The following KRI1 variants were observed in gnomAD, a reference collection of about 807,000 sequenced individuals.
KRI1 encodes KRI1 homolog, also known as protein KRI1 homolog.
KRI1 carries 83 observed loss-of-function variants against 97.0 expected under a neutral mutation model. That is an observed-to-expected ratio of 0.86 (90% CI 0.72 to 1.03). The LOEUF is 1.03. Among genes scored for constraint, KRI1 ranks in the 50% least tolerant of loss-of-function variants. The pLI is 0.00. For missense variants in KRI1, 916 were observed against 928.4 expected (o/e 0.99, Z 0.17); for synonymous variants, 371 against 363.5 (o/e 1.02, Z -0.23).
intron 16 of KRI1, among the ~76,000 whole-genome samples, chr19:10,556,834 A>G (rs1370992983): frequency 1.4e-5 from 2 of 147,218 alleles, no homozygotes; most frequent in African/African-American, 5.0e-5. Flanking sequence ...TGTACAAAAA[A>G]TATTTTTAAT....
Position 10,555,310 on chromosome 19 carries a change from A to T in KRI1, c.1657T>A (p.Ser553Thr), listed in dbSNP as rs375415935. The T allele has an allele frequency of 1.2e-5, 20 of 1,611,508 alleles. 1 individual carries two copies. Among genetic ancestry groups the T allele is most frequent in the Non-Finnish European group, 1.6e-5 (19 of 1,179,244 alleles). The change falls in exon 17 of 19, where the codon TCC becomes ACC. Residue 553 changes from serine (S) to threonine (T), a missense_variant. Ser to Thr is a moderately conservative substitution (Grantham distance 58). Transcript: ENST00000312962. ...CTGTACATGCAGGTCTTCTTTAGGG[A>T]GCACCACCGGTTCAGCTCCTTATCG... The part of the protein sequence containing the change: ...ADDKELNRWC[S>T]LKKTCMYRSE...
At position 10,561,218 on chromosome 19, in the gene KRI1, T is replaced by G. The variant is rs11545166; in HGVS notation, c.536A>C (p.Glu179Ala). 0.03 allele frequency: 48,455 copies of G among 1,614,006 alleles called. 829 individuals carry two copies. Among genetic ancestry groups the G allele is most frequent in the Non-Finnish European group, 0.034 (39,638 of 1,180,002 alleles). ...TTTCTGCAGCAAACTGGAGCCGCCC[T>G]CCCCAGCGCCGTCCTCGTCCTCACT... ...EDSEDEDGAGEGGSSLLQKRA... is the reference protein window; with the variant it reads ...EDSEDEDGAGAGGSSLLQKRA... The change falls in exon 7 of 19, where the codon GAG (glutamate) becomes GCG (alanine). Residue 179 changes from glutamate to alanine, a missense_variant. Coordinates refer to ENST00000312962, the MANE Select transcript of KRI1 (RefSeq NM_023008.5).
chr19:10,558,302 G>A (rs55948878), intron 12 of KRI1, 63 bp from the exon 13 acceptor site: 20 of 1,517,826 alleles, frequency 1.3e-5, no homozygotes, highest in Middle Eastern at 1.7e-4. Context: ...AGCCCCCTAC[G>A]ATGCCGCCAA....
rs776247947 is a variant in KRI1, at chr19:10,560,446, C to A, written c.666G>T (p.Thr222=). The part of the protein sequence containing the change: ...IRNPDSLKEL[T]HLKEYWNDPE... ...GGTCGTTCCAGTATTCCTTGAGATGCGTCTGGGGGTGACAGGAGACAGGAC... is the reference window on the plus strand; with the variant it reads ...GGTCGTTCCAGTATTCCTTGAGATGAGTCTGGGGGTGACAGGAGACAGGAC... Residue 222 remains threonine, a splice_region_variant and synonymous_variant, in exon 9 of 19, where the codon ACG becomes ACT. Transcript: ENST00000312962. 1.2e-6 allele frequency: 2 copies of A among 1,605,846 alleles called. No homozygotes were observed. The highest frequency in any genetic ancestry group is 2.2e-5 in the East Asian group (1 of 44,648).
Position 10,561,943 on chromosome 19 carries a change from G to C in KRI1, c.384-98C>G, listed in dbSNP as rs139417368. On this transcript the variant is annotated intron_variant, in intron 4 of 18. Coordinates refer to ENST00000312962, the MANE Select transcript of KRI1 (RefSeq NM_023008.5). ...CTATTCCAAGCAACAGCTGGCGGGG[G>C]TCATCGGAGGGCTATGGAATCACTG... 1.6e-3 allele frequency: 1,675 copies of C among 1,042,654 alleles called. 31 individuals carry two copies. The East Asian group carries it at 0.035, about 22-fold the overall frequency. 64.6% of individuals were successfully genotyped at this position (1,042,654 alleles called of 1,614,324 possible). A position where few individuals can be genotyped will look rare whatever the true frequency, so the allele number is the denominator to read the frequency against.
intron 8 of KRI1, 49 bp downstream of exon 8, chr19:10,560,954 A>T: frequency 1.4e-6 from 2 of 1,396,888 alleles, no homozygotes; most frequent in Non-Finnish European, 2.0e-6. Flanking sequence ...GGTTGGATGG[A>T]CGCGGAACAC....
Position 10,560,465 on chromosome 19 carries a change from A to G in KRI1, c.664-17T>C. ...GAGATGCGTCTGGGGGTGACAGGAG[A>G]CAGGACTCTGGTCAATGGAGGACAG... On this transcript the variant is annotated splice_polypyrimidine_tract_variant and intron_variant, in intron 8 of 18. Transcript: ENST00000312962. 6.3e-7 allele frequency: 1 copy of G among 1,585,930 alleles called. No individual in the cohort carries two copies. Among genetic ancestry groups the G allele is most frequent in the Middle Eastern group, 1.7e-4 (1 of 5,888 alleles).
chr19:10,556,598 C>T (rs963385379), intron 16 of KRI1, among the ~76,000 whole-genome samples: 2 of 151,336 alleles, frequency 1.3e-5, no homozygotes, highest in Non-Finnish European at 2.9e-5. Context: ...ACCTGGGAGG[C>T]GGAGTTTGCA....
In KRI1 at chr19:10,564,947, T is replaced by C. The variant is rs754062406; in HGVS notation, c.256A>G (p.Thr86Ala). 2 of 1,611,390 alleles carry C rather than the reference T, an allele frequency of 1.2e-6. No individual in the cohort carries two copies. The highest frequency in any genetic ancestry group is 2.2e-5 in the South Asian group (2 of 91,032). ...KDPRIYQKDA[T>A]FYNRTASSSD... is the part of the protein sequence containing the mutation. ...CCCGGACCTGTTCTGTTATAGAAGG[T>C]GGCATCTTTCTGATAAATGCGGGGG... Residue 86 changes from threonine (T) to alanine (A), a missense_variant, in exon 3 of 19, where the codon ACC becomes GCC. Around this residue, in one of 3 missense-constraint regions of KRI1, gnomAD observed 173 missense variants for 153.1 expected, o/e 1.13. Transcript: ENST00000312962.
intron 16 of KRI1, among the ~76,000 whole-genome samples, chr19:10,555,910 T>A (rs1388097489): frequency 6.6e-6 from 1 of 152,220 alleles, no homozygotes; most frequent in Non-Finnish European, 1.5e-5. Context: ...TTTGGTCTCA[T>A]TTCTGTTCCT....
intron 8 of KRI1, among the ~76,000 whole-genome samples, chr19:10,560,716 C>T (rs1364886677): frequency 6.6e-6 from 1 of 152,192 alleles, no homozygotes; most frequent in Non-Finnish European, 1.5e-5. Context: ...CAGGTGCATG[C>T]CACCATGCCT....
intron 10 of KRI1, 32 bp from the exon 11 acceptor site, chr19:10,559,740 G>T (rs367956318): frequency 5.0e-6 from 8 of 1,613,956 alleles, no homozygotes. Flanking sequence ...CACAAGGGCC[G>T]CAGAGATGAT....
chr19:10,557,496 C>T (rs1916537104), intron 16 of KRI1, 56 bp downstream of exon 16: 11 of 1,568,634 alleles, frequency 7.0e-6, no homozygotes, highest in Non-Finnish European at 9.6e-6. Context: ...CAGCTTTCTA[C>T]CCCTTCGGCA....
Position 10,558,234 on chromosome 19 carries a change from G to T in KRI1, c.1200C>A (p.Cys400Ter). The stretch of plus-strand genomic sequence containing the variant: ...CGGCCCCGTAGTACTCGTCCCCAAA[G>T]CACTTCTGCAGGGTCAGGGCTGGCG... ...PAQHDQLMQK[C>*]FGDEYYGAVE... The change falls in exon 13 of 19, where the codon TGC becomes TGA. Residue 400 changes from cysteine (C) to a stop codon, truncating the protein, a stop_gained. Transcript: ENST00000312962. LOFTEE classifies it high-confidence loss of function. 6.2e-7 allele frequency: 1 copy of T among 1,614,008 alleles called. No individual in the cohort carries two copies. The highest frequency in any genetic ancestry group is 8.5e-7 in the Non-Finnish European group (1 of 1,179,974).
Position 10,560,294 on chromosome 19 carries a change from G to A in KRI1, c.800+18C>T. ...AGCGCACCCAAAATCTAGGTCCTGGGGAGATGCAGTGGCTCACCCCTCCTC... is the reference window on the plus strand; with the variant it reads ...AGCGCACCCAAAATCTAGGTCCTGGAGAGATGCAGTGGCTCACCCCTCCTC... On this transcript the variant is annotated intron_variant, in intron 9 of 18. Transcript: ENST00000312962. 1 of 1,592,532 alleles carries A rather than the reference G, an allele frequency of 6.3e-7. No homozygotes were observed. Among genetic ancestry groups the A allele is most frequent in the Non-Finnish European group, 8.5e-7 (1 of 1,170,028 alleles).
In KRI1 at chr19:10,560,989, G is replaced by A. The variant is rs769181759; in HGVS notation, c.663+14C>T. 2 of 1,603,990 alleles carry A rather than the reference G, an allele frequency of 1.2e-6. No individual in the cohort carries two copies. The highest frequency in any genetic ancestry group is 2.2e-5 in the East Asian group (1 of 44,802). On this transcript the variant is annotated intron_variant, in intron 8 of 18. Coordinates refer to ENST00000312962, the MANE Select transcript of KRI1 (RefSeq NM_023008.5). The stretch of plus-strand genomic sequence containing the variant: ...CGCGGTCTACTCCATCAGCGACCAT[G>A]CGTGAGAACTCACCAGTTCCTTCAG...
chr19:10,553,228 C>CTGT lies in KRI1; in HGVS notation c.*722_*723insACA. 1 of 922,650 alleles carries CTGT rather than the reference C, an allele frequency of 1.1e-6. No individual in the cohort carries two copies. The highest frequency in any genetic ancestry group is 1.6e-6 in the Non-Finnish European group (1 of 637,266). The allele number at this position is 922,650 out of a possible 1,614,324, so 57.2% of individuals were successfully genotyped here. A position where few individuals can be genotyped will look rare whatever the true frequency, so the allele number is the denominator to read the frequency against. On this transcript the variant is annotated 3_prime_UTR_variant, in exon 19 of 19. Transcript: ENST00000312962. ...GGGGCCATTCAGCCAGGGACAGAGC[C>CTGT]CACAGAGCCCATACACCTGTCTCCC...
Position 10,553,107 on chromosome 19 carries a change from T to A in KRI1, c.*844A>T, listed in dbSNP as rs759364770. ...GGGAAAGATACAACACTATTTATTT[T>A]TTTATTTATGTCATGTCGGGTGTGG... On this transcript the variant is annotated 3_prime_UTR_variant, in exon 19 of 19. Coordinates refer to ENST00000312962, the MANE Select transcript of KRI1 (RefSeq NM_023008.5). 1.3e-6 allele frequency: 2 copies of A among 1,546,734 alleles called. No individual in the cohort carries two copies. The highest frequency in any genetic ancestry group is 2.3e-5 in the South Asian group (2 of 86,624).
Position 10,554,070 on chromosome 19 carries a change from CA to C in KRI1, c.1992del (p.Gly665ValfsTer105). 6.2e-7 allele frequency: 1 copy of C among 1,614,206 alleles called. No individual in the cohort carries two copies. Among genetic ancestry groups the C allele is most frequent in the Admixed American group, 1.7e-5 (1 of 60,024 alleles). ...CTCTGGCGGCTGAACTCGCATCCAC[CA>C]AGCATCACAGTGGGGCCCAGCAGCC... The part of the protein sequence containing the change: ...KARLLGPTVM[L>X]GGCEFSRQRL... On this transcript the variant is annotated frameshift_variant, in exon 19 of 19. Transcript: ENST00000312962. LOFTEE classifies it high-confidence loss of function.
Sources: gnomAD v4.1 joint callset for allele counts (sites outside exome capture counted in the v4.1 genomes callset) on GRCh38, gnomAD v4.1.1 for gene constraint, gnomAD v4.1.1 regional missense constraint, MANE v1.5 for transcripts, NCBI Gene and HGNC (gene_info 2026-07-23, HGNC 2026-07-21) for gene names.